ADGRB3: variants seen among roughly 807,000 people sequenced by gnomAD.
ADGRB3 encodes the protein brain-specific angiogenesis inhibitor 3.
Under a neutral mutation model 193.4 loss-of-function variants are expected in ADGRB3, and 37 were observed. That is an observed-to-expected ratio of 0.19 (90% CI 0.15 to 0.25). The LOEUF (loss-of-function observed/expected upper bound fraction) is 0.25. Ranked by LOEUF, ADGRB3 falls within the 10% of genes least tolerant of loss-of-function variation. The pLI, the probability that ADGRB3 is intolerant of heterozygous loss-of-function variation, is 1.00. For synonymous variants in ADGRB3, 690 were observed against 644.2 expected, an observed-to-expected ratio of 1.07 and a Z score of -1.08; for missense variants, 1,637 against 1,852.9, an observed-to-expected ratio of 0.88 and a Z score of 2.14.
At chr6:69,199,459 A>G (rs930751153) in intron 17 of ADGRB3, among the ~76,000 whole-genome samples, 2 of 152,112 alleles carry the variant, frequency 1.3e-5, no homozygotes, top group South Asian at 4.1e-4. Flanking sequence ...TTAAAGCACT[A>G]GAGTTCCTGG....
intron 3 of ADGRB3, among the ~76,000 whole-genome samples, chr6:68,761,499 G>C (rs1047041991): frequency 6.6e-6 from 1 of 151,236 alleles, no homozygotes; most frequent in South Asian, 2.1e-4. Flanking sequence ...TTGTGCTTTG[G>C]TGTCCTCTGC....
At chr6:69,259,647 G>A (rs1766872606) in intron 20 of ADGRB3, among the ~76,000 whole-genome samples, 1 of 138,458 alleles carries the variant, frequency 7.2e-6, no homozygotes, top group Admixed American at 7.9e-5. Flanking sequence ...AGTGAGCCGA[G>A]ATGGCGCCAC....
chr6:68,967,037 G>T (rs562441018), intron 8 of ADGRB3, among the ~76,000 whole-genome samples: 1 of 152,194 alleles, frequency 6.6e-6, no homozygotes, highest in Non-Finnish European at 1.5e-5. Flanking sequence ...AGTTAAAGCA[G>T]CTGTACCGTT....
chr6:68,921,009 T>C (rs1348631736), intron 3 of ADGRB3, among the ~76,000 whole-genome samples: 1 of 152,054 alleles, frequency 6.6e-6, no homozygotes, highest in African/African-American at 2.4e-5. Context: ...AATTAGGGTA[T>C]AACACTTTTA....
At chr6:68,947,001 C>T (rs1482346156) in intron 6 of ADGRB3, among the ~76,000 whole-genome samples, 2 of 151,964 alleles carry the variant, frequency 1.3e-5, no homozygotes, top group Non-Finnish European at 2.9e-5. Flanking sequence ...AAACCATTGC[C>T]TGGGATCCAT....
intron 20 of ADGRB3, among the ~76,000 whole-genome samples, chr6:69,316,381 G>A (rs1181965309): frequency 1.3e-5 from 2 of 151,342 alleles, no homozygotes; most frequent in African/African-American, 4.8e-5. Flanking sequence ...ATTAGAAAAG[G>A]AAAAATGTAT....
chr6:69,200,497 A>T (rs1291311283), intron 17 of ADGRB3, among the ~76,000 whole-genome samples: 2 of 152,162 alleles, frequency 1.3e-5, no homozygotes, highest in African/African-American at 4.8e-5. Flanking sequence ...AACTCTCATG[A>T]CACCTGAGAC....
At chr6:69,069,747 A>AAAG (rs1554257226) in intron 16 of ADGRB3, among the ~76,000 whole-genome samples, 1,288 of 115,278 alleles carry the variant, frequency 0.011, 19 homozygotes, top group Middle Eastern at 0.038. Flanking sequence ...AAAAAAAAAA[A>AAAG]AAAGAAAGAA....
intron 3 of ADGRB3, among the ~76,000 whole-genome samples, chr6:68,727,116 G>A (rs1210053793): frequency 4.0e-5 from 6 of 151,690 alleles, no homozygotes; most frequent in South Asian, 2.1e-4. Flanking sequence ...CTGATATCCA[G>A]TTCCTTTTCA....
At chr6:69,128,298 A>G (rs185142761) in intron 17 of ADGRB3, among the ~76,000 whole-genome samples, 2 of 152,274 alleles carry the variant, frequency 1.3e-5, no homozygotes, top group East Asian at 3.9e-4. Flanking sequence ...AATTTTACTT[A>G]AAGACTTAAT....
rs1390408220 is a variant in ADGRB3 at position 69,075,984 on chromosome 6, T to C, written c.2437-11T>C. The C allele has an allele frequency of 2.7e-6, 4 of 1,507,042 alleles. No homozygotes were observed. Among genetic ancestry groups the C allele is most frequent in the East Asian group, 4.7e-5 (2 of 42,114 alleles). The allele number at this position is 1,507,042 out of a possible 1,614,324, so 93.4% of individuals were successfully genotyped here. A position where few individuals can be genotyped will look rare whatever the true frequency, so the allele number is the denominator to read the frequency against. Reference sequence around the variant, plus strand: ...CAAGATATATGCATTCTTTCTCTGCTTTTTTTTTAGGGTACTTTGAATCCC... The same window carrying C: ...CAAGATATATGCATTCTTTCTCTGCCTTTTTTTTAGGGTACTTTGAATCCC... On this transcript the variant is annotated splice_polypyrimidine_tract_variant and intron_variant, in intron 16 of 31. Transcript: ENST00000370598.
intron 13 of ADGRB3, among the ~76,000 whole-genome samples, chr6:69,019,939 C>T (rs3757046): frequency 0.42 from 64,434 of 151,708 alleles, 14,362 homozygotes; most frequent in African/African-American, 0.47. Context: ...TCCATAGGAA[C>T]GGTATAACAT....
At chr6:69,320,566 C>T (rs1768427519) in intron 20 of ADGRB3, among the ~76,000 whole-genome samples, 1 of 151,448 alleles carries the variant, frequency 6.6e-6, no homozygotes, top group Non-Finnish European at 1.5e-5. Flanking sequence ...TAAAAAATAT[C>T]TTTCTTTATG....
chr6:69,019,852 C>T (rs1770209769), intron 13 of ADGRB3, among the ~76,000 whole-genome samples: 1 of 151,940 alleles, frequency 6.6e-6, no homozygotes, highest in Non-Finnish European at 1.5e-5. Context: ...CTTTGTTGAA[C>T]GATGAATTCA....
chr6:69,094,343 A>C (rs2150318740), intron 17 of ADGRB3, among the ~76,000 whole-genome samples: 1 of 152,310 alleles, frequency 6.6e-6, no homozygotes, highest in South Asian at 2.1e-4. Context: ...TAATAATTGA[A>C]ATGATTAAAG....
intron 11 of ADGRB3, among the ~76,000 whole-genome samples, chr6:69,004,970 T>G (rs1769703931): frequency 6.6e-6 from 1 of 152,098 alleles, no homozygotes; most frequent in African/African-American, 2.4e-5. Context: ...GTGTGCAGGC[T>G]TCTCTCACAT....
chr6:69,015,009 C>T (rs1770048056), intron 12 of ADGRB3, among the ~76,000 whole-genome samples: 1 of 151,672 alleles, frequency 6.6e-6, no homozygotes, highest in Non-Finnish European at 1.5e-5. Context: ...TGCATCTGGA[C>T]ATAGCCAGAA....
intron 3 of ADGRB3, among the ~76,000 whole-genome samples, chr6:68,712,528 T>C: frequency 6.6e-6 from 1 of 151,738 alleles, no homozygotes; most frequent in Admixed American, 6.6e-5. Context: ...AAATAATGTA[T>C]GAGTAAAGTC....
At chr6:68,873,640 A>G (rs966777924) in intron 3 of ADGRB3, among the ~76,000 whole-genome samples, 5 of 152,162 alleles carry the variant, frequency 3.3e-5, no homozygotes, top group African/African-American at 1.2e-4. Context: ...ATAAAGTAAT[A>G]ATATGTAACA....
Sources: allele counts gnomAD v4.1 joint callset (sites outside exome capture counted in the v4.1 genomes callset), GRCh38; gene constraint gnomAD v4.1.1; transcripts MANE v1.5; gene names NCBI Gene and HGNC (gene_info 2026-07-23, HGNC 2026-07-21).